Variants in JPH3 observed in about 807,000 individuals in gnomAD.
JPH3 encodes junctophilin-3.
In JPH3, 11 loss-of-function variants were observed where a neutral mutation model predicts 59.6. The observed-to-expected ratio is 0.18, with a 90% CI of 0.12 to 0.31. The LOEUF (loss-of-function observed/expected upper bound fraction) is 0.31. Among genes scored for constraint, JPH3 ranks in the 10% least tolerant of loss-of-function variants. The pLI is 1.00. For missense variants in JPH3, 1,202 were observed against 1,105.7 expected (o/e 1.09, Z -1.24); for synonymous variants, 673 against 483.6 (o/e 1.39, Z -5.14).
intron 1 of JPH3, among the ~76,000 whole-genome samples, chr16:87,619,090 A>G (rs1297245242): frequency 6.8e-6 from 1 of 146,370 alleles, no homozygotes; most frequent in Non-Finnish European, 1.5e-5. Flanking sequence ...TCTGTCTCAA[A>G]AAAAAAAAAA....
intron 1 of JPH3, among the ~76,000 whole-genome samples, chr16:87,637,807 T>C (rs940674658): frequency 1.3e-4 from 20 of 152,298 alleles, no homozygotes; most frequent in Admixed American, 1.0e-3. Context: ...GCTGGCCTCC[T>C]GGGTGGTGTT....
rs2030280236 is a variant in JPH3, at chr16:87,602,672, C to T, written c.-475C>T. Among the ~76,000 whole-genome samples the T allele has an allele frequency of 7.2e-6, 1 of 139,632 alleles. No individual in the cohort carries two copies. The allele number at this position is 139,632 out of a possible 152,430, so 91.6% of individuals were successfully genotyped here. Reference sequence around the variant, plus strand: ...CCGCCGCCCGTGCCGCCGCCGCCGCCCGCGGGCCCCGCCGCCGCCCTCGGG... The same window carrying T: ...CCGCCGCCCGTGCCGCCGCCGCCGCTCGCGGGCCCCGCCGCCGCCCTCGGG... On this transcript the variant is annotated 5_prime_UTR_variant, in exon 1 of 5. Coordinates refer to ENST00000284262, the MANE Select transcript of JPH3 (RefSeq NM_020655.4).
rs1043984272 is a variant in JPH3, at chr16:87,697,378, C to T, written c.*718C>T. On this transcript the variant is annotated 3_prime_UTR_variant, in exon 5 of 5. Transcript: ENST00000284262. ...CTTCTGCTGCCCACTCACTGTGGGT[C>T]CCATTCGGCTGTTTCCCCCACCAGA... The T allele has an allele frequency of 1.3e-5, 2 of 152,418 alleles. No individual in the cohort carries two copies. Among genetic ancestry groups the T allele is most frequent in the African/African-American group, 4.8e-5 (2 of 41,452 alleles). 9.4% of individuals were successfully genotyped at this position (152,418 alleles called of 1,614,324 possible). A position where few individuals can be genotyped will look rare whatever the true frequency, so the allele number is the denominator to read the frequency against.
At chr16:87,605,026 G>T in intron 1 of JPH3, 1 of 437,742 alleles carries the variant, frequency 2.3e-6, no homozygotes, top group Non-Finnish European at 4.6e-6. Context: ...GGCCCGGGCA[G>T]CAGATGTGGG....
chr16:87,630,787 G>A (rs756108228), intron 1 of JPH3, among the ~76,000 whole-genome samples: 3 of 152,038 alleles, frequency 2.0e-5, no homozygotes, highest in Non-Finnish European at 4.4e-5. Flanking sequence ...GTCACTTTTA[G>A]CCATTATCTG....
At position 87,691,832 on chromosome 16, in the gene JPH3, C is replaced by T. The variant is rs538905425; in HGVS notation, c.2166+1306C>T. Among the ~76,000 whole-genome samples, 21 of 152,160 alleles carry T rather than the reference C, an allele frequency of 1.4e-4. No homozygotes were observed. In the South Asian group the frequency reaches 4.0e-3, roughly 29 times the overall value. On this transcript the variant is annotated intron_variant, in intron 4 of 4. Coordinates refer to ENST00000284262, the MANE Select transcript of JPH3 (RefSeq NM_020655.4). Reference sequence around the variant, plus strand: ...ACAACTTGATTTTCCCCATCGCAGCCGGAGATGTGTGCGTGGCTGTGCGCG... The same window carrying T: ...ACAACTTGATTTTCCCCATCGCAGCTGGAGATGTGTGCGTGGCTGTGCGCG...
At chr16:87,661,294 C>G (rs2032695175) in intron 2 of JPH3, among the ~76,000 whole-genome samples, 1 of 152,228 alleles carries the variant, frequency 6.6e-6, no homozygotes, top group Non-Finnish European at 1.5e-5. Flanking sequence ...CTTTCCTGAT[C>G]CTTAACTCAG....
intron 2 of JPH3, among the ~76,000 whole-genome samples, chr16:87,665,720 C>T (rs1214255132): frequency 6.6e-6 from 1 of 152,240 alleles, no homozygotes; most frequent in Non-Finnish European, 1.5e-5. Context: ...GAACTGCCCC[C>T]TCTTCCTCCC....
intron 2 of JPH3, among the ~76,000 whole-genome samples, chr16:87,671,086 G>T (rs1223463923): frequency 6.6e-6 from 1 of 152,092 alleles, no homozygotes; most frequent in Non-Finnish European, 1.5e-5. Context: ...GTTTAACACT[G>T]AGGTCCCCAC....
At chr16:87,637,511 C>A (rs1657118671) in intron 1 of JPH3, among the ~76,000 whole-genome samples, 1 of 151,856 alleles carries the variant, frequency 6.6e-6, no homozygotes, top group Admixed American at 6.6e-5. Context: ...GAAGTGTGTC[C>A]TGTGTGCATG....
intron 2 of JPH3, among the ~76,000 whole-genome samples, chr16:87,683,075 G>A (rs904842585): frequency 6.6e-6 from 1 of 152,232 alleles, no homozygotes; most frequent in Non-Finnish European, 1.5e-5. Context: ...GGGTGTCGGC[G>A]TCATCTTTCG....
At chr16:87,683,085 G>A (rs1024813507) in intron 2 of JPH3, among the ~76,000 whole-genome samples, 2 of 152,160 alleles carry the variant, frequency 1.3e-5, no homozygotes, top group South Asian at 2.1e-4. Flanking sequence ...GTCATCTTTC[G>A]GCTGGGTGAG....
chr16:87,626,511 G>C (rs988005892), intron 1 of JPH3, among the ~76,000 whole-genome samples: 3 of 152,204 alleles, frequency 2.0e-5, no homozygotes, highest in South Asian at 4.1e-4. Context: ...TGGTGTGGGG[G>C]CCCCTGTGCC....
At position 87,672,659 on chromosome 16, in the gene JPH3, C is replaced by T. The variant is rs147224588; in HGVS notation, c.1161-11483C>T. On this transcript the variant is annotated intron_variant, in intron 2 of 4. Coordinates refer to ENST00000284262, the MANE Select transcript of JPH3 (RefSeq NM_020655.4). ...TTGGTGCGGGTGACGAGGACACAGTCGCAGCAGGCGTAGACCACCAGAGCA... is the reference window on the plus strand; with the variant it reads ...TTGGTGCGGGTGACGAGGACACAGTTGCAGCAGGCGTAGACCACCAGAGCA... Among the ~76,000 whole-genome samples, 326 of 152,338 alleles carry T rather than the reference C, an allele frequency of 2.1e-3. 2 individuals carry two copies. The highest frequency in any genetic ancestry group is 7.4e-3 in the African/African-American group (308 of 41,576).
intron 2 of JPH3, among the ~76,000 whole-genome samples, chr16:87,677,214 AC>A (rs1402431646): frequency 2.5e-5 from 3 of 120,508 alleles, no homozygotes; most frequent in Non-Finnish European, 4.9e-5. Context: ...ACACACACAC[AC>A]ACACACACAC....
At chr16:87,644,210 C>G (rs749095605) in intron 1 of JPH3, 48 bp from the exon 2 acceptor site, 25 of 1,551,194 alleles carry the variant, frequency 1.6e-5, no homozygotes, top group Non-Finnish European at 2.2e-5. Context: ...CAGGCTGTGC[C>G]CCCTCCTCTG....
At chr16:87,658,996 C>T (rs974074876) in intron 2 of JPH3, among the ~76,000 whole-genome samples, 1 of 152,242 alleles carries the variant, frequency 6.6e-6, no homozygotes, top group Non-Finnish European at 1.5e-5. Flanking sequence ...CAGCTGCAGA[C>T]CTGGGCGGTC....
At chr16:87,609,765 G>T (rs1008857412) in intron 1 of JPH3, among the ~76,000 whole-genome samples, 1 of 152,190 alleles carries the variant, frequency 6.6e-6, no homozygotes, top group African/African-American at 2.4e-5. Flanking sequence ...CTCAATGGGT[G>T]AGTCCTCTAG....
intron 2 of JPH3, among the ~76,000 whole-genome samples, chr16:87,682,905 C>T (rs558110382): frequency 6.6e-6 from 1 of 152,364 alleles, no homozygotes; most frequent in East Asian, 1.9e-4. Flanking sequence ...GCACAGAGCC[C>T]CACATTCTGC....
Sources: gnomAD v4.1 joint callset for allele counts (sites outside exome capture counted in the v4.1 genomes callset) on GRCh38, gnomAD v4.1.1 for gene constraint, MANE v1.5 for transcripts, NCBI Gene and HGNC (gene_info 2026-07-23, HGNC 2026-07-21) for gene names.